The following TMEM185A variants were observed in gnomAD, a reference collection of about 807,000 sequenced individuals.
The protein encoded by TMEM185A is family with sequence similarity 11, member A.
A neutral mutation model predicts 25.0 loss-of-function variants in TMEM185A; 9 were observed. The observed-to-expected ratio is 0.36, with a 90% CI of 0.22 to 0.63. TMEM185A has a LOEUF of 0.63. Among genes scored for constraint, TMEM185A ranks in the 20% least tolerant of loss-of-function variants. TMEM185A has a pLI of 0.68. For missense variants in TMEM185A, 103 were observed against 237.4 expected, an observed-to-expected ratio of 0.43 and a Z score of 3.72; for synonymous variants, 45 against 93.5, an observed-to-expected ratio of 0.48 and a Z score of 2.99.
intron 1 of TMEM185A, among the ~76,000 whole-genome samples, chrX:149,618,650 G>T (rs1557355277): frequency 9.0e-6 from 1 of 111,430 alleles, no homozygotes; most frequent in Non-Finnish European, 1.9e-5. Context: ...AAAGAGCTCT[G>T]GTTGATATGG....
At chrX:149,613,967 A>T (rs2090097693) in intron 1 of TMEM185A, among the ~76,000 whole-genome samples, 1 of 112,744 alleles carries the variant, frequency 8.9e-6, no homozygotes, top group Non-Finnish European at 1.9e-5. Flanking sequence ...GAAATAAAAA[A>T]ATCAAACTGT....
intron 1 of TMEM185A, among the ~76,000 whole-genome samples, chrX:149,624,111 C>A (rs1332305548): frequency 5.3e-5 from 6 of 112,643 alleles, no homozygotes; most frequent in African/African-American, 1.9e-4. Flanking sequence ...CTCCACAAAC[C>A]TGGGAGAAAT....
intron 6 of TMEM185A, among the ~76,000 whole-genome samples, chrX:149,598,903 G>A (rs1169362732): frequency 6.2e-5 from 4 of 64,583 alleles, no homozygotes; most frequent in Non-Finnish European, 1.0e-4. Context: ...GCGGGGTAGG[G>A]GGCAGAGGCA....
At chrX:149,618,186 T>C (rs781878961) in intron 1 of TMEM185A, among the ~76,000 whole-genome samples, 1 of 111,744 alleles carries the variant, frequency 8.9e-6, no homozygotes, top group South Asian at 3.7e-4. Context: ...AGCTAACAGG[T>C]CTCCACTCGG....
At chrX:149,604,180 G>T in intron 3 of TMEM185A, 110 bp from the exon 4 acceptor site, 1 of 507,423 alleles carries the variant, frequency 2.0e-6, no homozygotes, top group Non-Finnish European at 3.3e-6. Context: ...AGTGTAACTT[G>T]TATAATATTA....
chrX:149,608,768 C>A lies in TMEM185A; in HGVS notation c.282G>T (p.Leu94Phe). 8.3e-7 allele frequency: 1 copy of A among 1,211,693 alleles called. No individual in the cohort carries two copies. The highest frequency in any genetic ancestry group is 1.7e-5 in the African/African-American group (1 of 57,780). ...CACAGACCAGAACTTCAAACATCAA[C>A]AAGAGCAAGTGGATGCCCACTGCAA... ...MLIAVGIHLL[L>F]LMFEVLVCDR... The change falls in exon 3 of 7, where the codon TTG becomes TTT. Residue 94 changes from leucine to phenylalanine, a missense_variant. Physicochemically the swap from Leu to Phe is conservative, Grantham distance 22. Transcript: ENST00000600449.
chrX:149,610,428 CAAAAAAAAAAAAAAAA>C (rs374846385), intron 2 of TMEM185A, among the ~76,000 whole-genome samples: 20 of 26,597 alleles, frequency 7.5e-4, no homozygotes, highest in African/African-American at 2.7e-3. Context: ...AACTCTGTCT[CAAAAAAAAAAAAAAAA>C]AAAAAAAAAA....
chrX:149,621,221 T>TGG (rs57644464), intron 1 of TMEM185A, among the ~76,000 whole-genome samples: 1 of 103,983 alleles, frequency 9.6e-6, no homozygotes, highest in African/African-American at 3.5e-5. Flanking sequence ...AGTAAATTGG[T>TGG]GGGGGGGGGT....
intron 1 of TMEM185A, among the ~76,000 whole-genome samples, chrX:149,613,573 C>T (rs1272418394): frequency 1.8e-5 from 2 of 112,179 alleles, no homozygotes; most frequent in African/African-American, 6.5e-5. Flanking sequence ...TAGAGCCCTC[C>T]TGACACTTTG....
chrX:149,607,423 G>A (rs2090058512), intron 3 of TMEM185A, among the ~76,000 whole-genome samples: 1 of 112,349 alleles, frequency 8.9e-6, no homozygotes, highest in South Asian at 3.7e-4. Context: ...GACTCAAACG[G>A]AATCCTGGTC....
Position 149,608,836 on chromosome X carries a change from T to C in TMEM185A, c.216-2A>G. The C allele has an allele frequency of 8.3e-7, 1 of 1,207,491 alleles. No individual in the cohort carries two copies. The highest frequency in any genetic ancestry group is 3.0e-5 in the East Asian group (1 of 33,780). ...TCCACACACGTTTCTCCTTCTGCTC[T>C]AAAAAAGGGAGAGAAGAAGAAAACA... On this transcript the variant is annotated splice_acceptor_variant, in intron 2 of 6. Transcript: ENST00000600449. LOFTEE classifies it high-confidence loss of function.
chrX:149,617,717 G>A (rs2090117584), intron 1 of TMEM185A, among the ~76,000 whole-genome samples: 1 of 111,900 alleles, frequency 8.9e-6, no homozygotes, highest in South Asian at 3.7e-4. Context: ...CCACACAAAG[G>A]CCTGTATTCA....
chrX:149,605,449 ATGTCACTTTCTATGGCCTCCCT>A lies in TMEM185A; in HGVS notation c.424-1401_424-1380del, dbSNP rs1185023148. Reference sequence around the variant, plus strand: ...GCCTCCCATGTCACTATGGCCTCCCATGTCACTTTCTATGGCCTCCCTTGTCACTTTCTATGGCCTCCCATGT... The same window carrying A: ...GCCTCCCATGTCACTATGGCCTCCCATGTCACTTTCTATGGCCTCCCATGT... On this transcript the variant is annotated intron_variant, in intron 3 of 6. Transcript: ENST00000600449. 4.6e-3 allele frequency among the ~76,000 whole-genome samples: 357 copies of A among 77,975 alleles called. 14 individuals are homozygous for A. The highest frequency in any genetic ancestry group is 0.033 in the East Asian group (72 of 2,152). 67.7% of individuals were successfully genotyped at this position (77,975 alleles called of 115,157 possible).
Position 149,631,611 on chromosome X carries a change from C to T in TMEM185A, c.-31G>A, listed in dbSNP as rs1557356675. ...AGAACTTCACCGCGGCGTCCTCCTC[C>T]TCCTCCCCCGCACCCCGTGCTGCAC... is the stretch of plus-strand genomic sequence containing the variant. On this transcript the variant is annotated 5_prime_UTR_variant, in exon 1 of 7. Transcript: ENST00000600449. 3 of 1,147,544 alleles carry T rather than the reference C, an allele frequency of 2.6e-6. No homozygotes were observed. Among genetic ancestry groups the T allele is most frequent in the Admixed American group, 5.2e-5 (2 of 38,247 alleles). 94.6% of individuals were successfully genotyped at this position (1,147,544 alleles called of 1,213,427 possible). A position where few individuals can be genotyped will look rare whatever the true frequency, so the allele number is the denominator to read the frequency against.
chrX:149,609,524 C>T (rs1002908543), intron 2 of TMEM185A, among the ~76,000 whole-genome samples: 3 of 112,529 alleles, frequency 2.7e-5, no homozygotes, highest in Non-Finnish European at 5.6e-5. Context: ...GCACAATAAC[C>T]TTAACAGATC....
intron 1 of TMEM185A, among the ~76,000 whole-genome samples, chrX:149,621,531 G>A (rs1166072482): frequency 1.8e-5 from 2 of 111,685 alleles, no homozygotes; most frequent in Non-Finnish European, 3.8e-5. Flanking sequence ...ATTTCCTATT[G>A]CTGCCATTCA....
chrX:149,617,144 C>T (rs1224999064), intron 1 of TMEM185A, among the ~76,000 whole-genome samples: 3 of 111,673 alleles, frequency 2.7e-5, no homozygotes, highest in Non-Finnish European at 5.7e-5. Flanking sequence ...ACCTAAATGT[C>T]ATACACAAAA....
chrX:149,631,688 T>G lies in TMEM185A; in HGVS notation c.-108A>C. The G allele has an allele frequency of 2.5e-6, 2 of 802,238 alleles. No individual in the cohort carries two copies. The highest frequency in any genetic ancestry group is 3.9e-5 in the Admixed American group (1 of 25,491). The allele number at this position is 802,238 out of a possible 1,213,427, so 66.1% of individuals were successfully genotyped here. A position where few individuals can be genotyped will look rare whatever the true frequency, so the allele number is the denominator to read the frequency against. On this transcript the variant is annotated 5_prime_UTR_variant, in exon 1 of 7. Transcript: ENST00000600449. The stretch of plus-strand genomic sequence containing the variant: ...GCGCCAGCGCCAGCCGCGTCCACGC[T>G]GCTGCTCCCGCTACTGCTGCCGTCC...
chrX:149,604,220 A>G (rs1420319682), intron 3 of TMEM185A, 150 bp from the exon 4 acceptor site: 1 of 427,253 alleles, frequency 2.3e-6, no homozygotes, highest in Non-Finnish European at 4.0e-6. Context: ...GATTTTCGGT[A>G]CCAGAGGGGC....
Sources: allele counts gnomAD v4.1 joint callset (sites outside exome capture counted in the v4.1 genomes callset), GRCh38; gene constraint gnomAD v4.1.1; transcripts MANE v1.5; gene names NCBI Gene and HGNC (gene_info 2026-07-23, HGNC 2026-07-21).